The following TOP1 variants were observed in gnomAD, a reference collection of about 807,000 sequenced individuals.
The protein encoded by TOP1 is DNA topoisomerase I.
TOP1 carries 10 observed loss-of-function variants against 111.1 expected under a neutral mutation model. The observed-to-expected ratio is 0.09, with a 90% confidence interval of 0.06 to 0.15. TOP1 has a LOEUF of 0.15. Among genes scored for constraint, TOP1 ranks in the 10% least tolerant of loss-of-function variants. The pLI is 1.00. For missense variants in TOP1, 474 were observed against 926.7 expected, an observed-to-expected ratio of 0.51 and a Z score of 6.34; for synonymous variants, 271 against 302.9, an observed-to-expected ratio of 0.89 and a Z score of 1.10.
intron 2 of TOP1, among the ~76,000 whole-genome samples, chr20:41,052,581 G>A (rs2033418673): frequency 6.6e-6 from 1 of 152,010 alleles, no homozygotes; most frequent in African/African-American, 2.4e-5. Flanking sequence ...AAATTTTGTT[G>A]GATTCATTTG....
intron 2 of TOP1, among the ~76,000 whole-genome samples, chr20:41,031,681 A>T (rs569755048): frequency 6.6e-5 from 10 of 152,338 alleles, no homozygotes; most frequent in Non-Finnish European, 1.5e-4. Context: ...TGTTTTGTAG[A>T]TGAGGAAACT....
chr20:41,119,575 G>C (rs1429172922), intron 18 of TOP1, among the ~76,000 whole-genome samples: 1 of 152,204 alleles, frequency 6.6e-6, no homozygotes, highest in African/African-American at 2.4e-5. Flanking sequence ...TACTACTGTG[G>C]AATGAGACTG....
At position 41,078,832 on chromosome 20, in the gene TOP1, G is replaced by GTA. The variant is rs2145936777; in HGVS notation, c.335+1199_335+1200dup. Among the ~76,000 whole-genome samples, 1 of 152,304 alleles carries GTA rather than the reference G, an allele frequency of 6.6e-6. No homozygotes were observed. Among genetic ancestry groups the GTA allele is most frequent in the Admixed American group, 6.5e-5 (1 of 15,290 alleles). ...TTTGCTGGACTCCTTGCTGGCTTGT[G>GTA]TATATGTCTTTGTAGAGAATCCAGA... On this transcript the variant is annotated intron_variant, in intron 5 of 20. Coordinates refer to ENST00000361337, the MANE Select transcript of TOP1 (RefSeq NM_003286.4). This position sits in a 1 kb window ranked among gnomAD's most constrained non-coding sequence, Gnocchi z 5.3.
Position 41,115,730 on chromosome 20 carries a change from C to T in TOP1, c.1707+291C>T, listed in dbSNP as rs905195909. Reference sequence around the variant, plus strand: ...TTTCCCTTCACTGAATGCCCAGCCACCCCTGCTGGAGACCCAAAACCTGTC... The same window carrying T: ...TTTCCCTTCACTGAATGCCCAGCCATCCCTGCTGGAGACCCAAAACCTGTC... On this transcript the variant is annotated intron_variant, in intron 16 of 20. Transcript: ENST00000361337. The surrounding 1 kb of genome is among the most constrained non-coding windows in gnomAD (Gnocchi z 6.3). Among the ~76,000 whole-genome samples the T allele has an allele frequency of 2.0e-5, 3 of 152,198 alleles. No individual in the cohort carries two copies. Among genetic ancestry groups the T allele is most frequent in the African/African-American group, 4.8e-5 (2 of 41,452 alleles).
intron 8 of TOP1, among the ~76,000 whole-genome samples, chr20:41,085,144 G>GA (rs1284055767): frequency 6.7e-6 from 1 of 149,556 alleles, no homozygotes; most frequent in Non-Finnish European, 1.5e-5. Flanking sequence ...TTCCTAATAT[G>GA]AAAAAAAGCT....
intron 18 of TOP1, among the ~76,000 whole-genome samples, chr20:41,119,821 G>A (rs1326522091): frequency 3.9e-5 from 6 of 152,204 alleles, no homozygotes; most frequent in Admixed American, 2.6e-4. Flanking sequence ...CATCCTAGCA[G>A]CTCACATTTG....
At chr20:41,072,470 C>A in intron 3 of TOP1, 1 of 985,452 alleles carries the variant, frequency 1.0e-6, no homozygotes, top group Non-Finnish European at 1.2e-6. Flanking sequence ...GTCAGCCTGA[C>A]TGACCCCACA....
intron 14 of TOP1, 84 bp downstream of exon 14, chr20:41,113,009 A>C: frequency 7.4e-7 from 1 of 1,360,190 alleles, no homozygotes. Flanking sequence ...TGTGCCACAT[A>C]CTGTATATCA....
In TOP1 at chr20:41,069,931, A is replaced by G. The variant is rs1334323981; in HGVS notation, c.156-6240A>G. Reference sequence around the variant, plus strand: ...GCAAAACATAGAGGCATTGTAGTATATGCTTTGTTCTGGGAGGAATCTAGT... The same window carrying G: ...GCAAAACATAGAGGCATTGTAGTATGTGCTTTGTTCTGGGAGGAATCTAGT... On this transcript the variant is annotated intron_variant, in intron 3 of 20. Transcript: ENST00000361337. The surrounding 1 kb of genome is among the most constrained non-coding windows in gnomAD (Gnocchi z 4.1). 6.6e-6 allele frequency among the ~76,000 whole-genome samples: 1 copy of G among 152,220 alleles called. No homozygotes were observed. The highest frequency in any genetic ancestry group is 1.5e-5 in the Non-Finnish European group (1 of 68,030).
At chr20:41,036,122 C>T (rs947090791) in intron 2 of TOP1, among the ~76,000 whole-genome samples, 4 of 152,130 alleles carry the variant, frequency 2.6e-5, no homozygotes, top group Admixed American at 1.3e-4. Flanking sequence ...GGAAAGGAAA[C>T]GTTTTTTTCT....
intron 2 of TOP1, among the ~76,000 whole-genome samples, chr20:41,052,278 C>G (rs1484263082): frequency 6.6e-6 from 1 of 152,220 alleles, no homozygotes; most frequent in Non-Finnish European, 1.5e-5. Flanking sequence ...AAGGGGACCT[C>G]TGTGCTGCTC....
chr20:41,072,385 A>G (rs1206686594), intron 3 of TOP1: 2 of 985,466 alleles, frequency 2.0e-6, no homozygotes, highest in Non-Finnish European at 1.2e-6. Flanking sequence ...ACAGTTCTTT[A>G]GCTACCATGA....
chr20:41,108,220 G>A (rs986536672), intron 13 of TOP1, among the ~76,000 whole-genome samples: 1 of 152,070 alleles, frequency 6.6e-6, no homozygotes, highest in Non-Finnish European at 1.5e-5. Context: ...TCTAAGAGTC[G>A]TCTTTGTTTA....
At chr20:41,040,130 C>T (rs1212958172) in intron 2 of TOP1, among the ~76,000 whole-genome samples, 1 of 152,128 alleles carries the variant, frequency 6.6e-6, no homozygotes, top group Non-Finnish European at 1.5e-5. Flanking sequence ...ACTTAAAGTC[C>T]TGGGAAACTA....
At chr20:41,089,017 G>GTTTTTTTTT (rs1290740653) in intron 8 of TOP1, among the ~76,000 whole-genome samples, 1 of 69,268 alleles carries the variant, frequency 1.4e-5, no homozygotes, top group African/African-American at 7.8e-5. Context: ...TGTTGCCCCA[G>GTTTTTTTTT]TTCTTTTTTT....
intron 2 of TOP1, among the ~76,000 whole-genome samples, chr20:41,044,740 C>T (rs993321903): frequency 3.9e-5 from 6 of 152,130 alleles, no homozygotes; most frequent in Non-Finnish European, 5.9e-5. Context: ...TATATTTGTG[C>T]TGTCCAATAT....
chr20:41,106,727 TG>T lies in TOP1; in HGVS notation c.1308+5375del, dbSNP rs572443131. Among the ~76,000 whole-genome samples, 198 of 152,176 alleles carry T rather than the reference TG, an allele frequency of 1.3e-3. No individual in the cohort carries two copies. Among genetic ancestry groups the T allele is most frequent in the African/African-American group, 4.5e-3 (188 of 41,524 alleles). On this transcript the variant is annotated intron_variant, in intron 13 of 20. Transcript: ENST00000361337. This position sits in a 1 kb window ranked among gnomAD's most constrained non-coding sequence, Gnocchi z 4.3. ...AGTGGTAATGCTTATAATTTTGGGGTGTTGGTCTTGTATCTGGCAGCAGATA... is the reference window on the plus strand; with the variant it reads ...AGTGGTAATGCTTATAATTTTGGGGTTTGGTCTTGTATCTGGCAGCAGATA...
chr20:41,111,596 C>T (rs1274838413), intron 13 of TOP1, among the ~76,000 whole-genome samples: 7 of 114,362 alleles, frequency 6.1e-5, no homozygotes, highest in Middle Eastern at 4.1e-3. Context: ...CCCCACCCCC[C>T]GCCCCCTTTT....
chr20:41,091,551 C>CT (rs1568693637), intron 8 of TOP1, among the ~76,000 whole-genome samples: 3 of 118,582 alleles, frequency 2.5e-5, no homozygotes, highest in African/African-American at 1.0e-4. Context: ...AAATTATTAA[C>CT]CTTTTTTTTT....
Sources: gnomAD v4.1 joint callset for allele counts (sites outside exome capture counted in the v4.1 genomes callset) on GRCh38, gnomAD v4.1.1 for gene constraint, Gnocchi (gnomAD v3.1) non-coding constraint, MANE v1.5 for transcripts, NCBI Gene and HGNC (gene_info 2026-07-23, HGNC 2026-07-21) for gene names.